OXCT1: variants seen among roughly 807,000 people sequenced by gnomAD.
OXCT1 encodes 3-oxoacid CoA-transferase 1.
In OXCT1, 27 loss-of-function variants were observed where a neutral mutation model predicts 69.6. The observed-to-expected ratio is 0.39, with a 90% CI of 0.29 to 0.54. The LOEUF (loss-of-function observed/expected upper bound fraction) is 0.54, where lower values mean the gene tolerates loss of function less well. Among genes scored for constraint, OXCT1 ranks in the 20% least tolerant of loss-of-function variants. OXCT1 has a pLI of 0.72. For synonymous variants in OXCT1, 202 were observed against 217.8 expected, an observed-to-expected ratio of 0.93 and a Z score of 0.64; for missense variants, 437 against 650.2, an observed-to-expected ratio of 0.67 and a Z score of 3.57.
At chr5:41,817,366 A>G (rs1017188642) in intron 7 of OXCT1, among the ~76,000 whole-genome samples, 2 of 152,208 alleles carry the variant, frequency 1.3e-5, no homozygotes, top group Non-Finnish European at 2.9e-5. Context: ...CACCTTTAAA[A>G]TGAAAAAGTT....
At chr5:41,814,190 C>T (rs1747119738) in intron 7 of OXCT1, among the ~76,000 whole-genome samples, 1 of 151,596 alleles carries the variant, frequency 6.6e-6, no homozygotes, top group South Asian at 2.1e-4. Flanking sequence ...TGATCCAAGG[C>T]CAGAAAGAAT....
chr5:41,862,582 C>T (rs773561873), intron 2 of OXCT1, 60 bp downstream of exon 2: 1 of 880,634 alleles, frequency 1.1e-6, no homozygotes, highest in Non-Finnish European at 1.9e-6. Context: ...TTGTGATTTG[C>T]CTGCTTCATT....
intron 14 of OXCT1, among the ~76,000 whole-genome samples, chr5:41,754,400 A>G (rs1436161669): frequency 6.6e-6 from 1 of 152,078 alleles, no homozygotes; most frequent in East Asian, 1.9e-4. Context: ...TCACATCACT[A>G]TAACTGATGT....
intron 14 of OXCT1, among the ~76,000 whole-genome samples, chr5:41,750,378 C>T (rs1455828693): frequency 6.6e-6 from 1 of 151,878 alleles, no homozygotes; most frequent in Non-Finnish European, 1.5e-5. Context: ...TAGAACTGGC[C>T]TCTGAGGCAT....
chr5:41,802,716 T>C (rs943480086), intron 10 of OXCT1, among the ~76,000 whole-genome samples: 1 of 152,106 alleles, frequency 6.6e-6, no homozygotes, highest in Admixed American at 6.6e-5. Flanking sequence ...ATGAGGTCTC[T>C]CTGAATCAGG....
chr5:41,765,560 G>T (rs1244448937), intron 13 of OXCT1, among the ~76,000 whole-genome samples: 2 of 152,082 alleles, frequency 1.3e-5, no homozygotes, highest in African/African-American at 4.8e-5. Flanking sequence ...TATATGGAAG[G>T]GTGAGAATTC....
intron 3 of OXCT1, among the ~76,000 whole-genome samples, chr5:41,858,564 G>T (rs1397334994): frequency 6.6e-6 from 1 of 151,990 alleles, no homozygotes; most frequent in Non-Finnish European, 1.5e-5. Flanking sequence ...CAAACATTTT[G>T]GTGACTAGAA....
chr5:41,768,583 T>C (rs1579695689), intron 13 of OXCT1, among the ~76,000 whole-genome samples: 1 of 152,140 alleles, frequency 6.6e-6, no homozygotes, highest in Non-Finnish European at 1.5e-5. Flanking sequence ...GAAACCTCCT[T>C]GTCTCCTGCC....
At chr5:41,833,208 T>C (rs1748182597) in intron 7 of OXCT1, among the ~76,000 whole-genome samples, 1 of 152,166 alleles carries the variant, frequency 6.6e-6, no homozygotes, top group East Asian at 1.9e-4. Flanking sequence ...AGCTACCTTT[T>C]GCGAGTTAAT....
At chr5:41,797,641 C>G (rs1013766842) in intron 11 of OXCT1, among the ~76,000 whole-genome samples, 1 of 152,074 alleles carries the variant, frequency 6.6e-6, no homozygotes, top group Non-Finnish European at 1.5e-5. Context: ...CTTTGGCTCA[C>G]GATTTAACAG....
At chr5:41,855,756 CAACA>C (rs1419661870) in intron 3 of OXCT1, among the ~76,000 whole-genome samples, 1 of 152,158 alleles carries the variant, frequency 6.6e-6, no homozygotes, top group African/African-American at 2.4e-5. Flanking sequence ...CCTATAATTA[CAACA>C]GAGGGAGAGA....
Position 41,740,288 on chromosome 5 carries a change from A to G in OXCT1, c.1420-797T>C, listed in dbSNP as rs556482188. Among the ~76,000 whole-genome samples, 31 of 152,322 alleles carry G rather than the reference A, an allele frequency of 2.0e-4. No individual in the cohort carries two copies. The South Asian group carries it at 3.5e-3, about 17-fold the overall frequency. ...AAGGTGCTCTGAAGTGTCTAGGAGTAATTATAAGAGGATAGCTACCCTGGT... is the reference window on the plus strand; with the variant it reads ...AAGGTGCTCTGAAGTGTCTAGGAGTGATTATAAGAGGATAGCTACCCTGGT... On this transcript the variant is annotated intron_variant, in intron 15 of 16. Coordinates refer to ENST00000196371, the MANE Select transcript of OXCT1 (RefSeq NM_000436.4).
chr5:41,849,952 T>G, intron 5 of OXCT1, 78 bp downstream of exon 5: 1 of 1,411,470 alleles, frequency 7.1e-7, no homozygotes, highest in Non-Finnish European at 1.0e-6. Context: ...GATTTTATAC[T>G]TATTTGCCCA....
At chr5:41,800,436 C>T (rs1208600594) in intron 11 of OXCT1, among the ~76,000 whole-genome samples, 1 of 151,812 alleles carries the variant, frequency 6.6e-6, no homozygotes, top group Admixed American at 6.6e-5. Flanking sequence ...AGAAGGCTGA[C>T]CTACTTTGAC....
At chr5:41,757,453 T>G (rs763919732) in intron 14 of OXCT1, among the ~76,000 whole-genome samples, 4 of 152,090 alleles carry the variant, frequency 2.6e-5, no homozygotes, top group Non-Finnish European at 4.4e-5. Flanking sequence ...TCTTAAGTAC[T>G]GATTTCCATG....
chr5:41,856,370 A>G (rs1038140924), intron 3 of OXCT1, among the ~76,000 whole-genome samples: 1 of 152,134 alleles, frequency 6.6e-6, no homozygotes. Flanking sequence ...GGGGAAATTA[A>G]CAAGCACTAG....
At chr5:41,745,417 T>G (rs1176402834) in intron 15 of OXCT1, among the ~76,000 whole-genome samples, 2 of 152,004 alleles carry the variant, frequency 1.3e-5, no homozygotes, top group Non-Finnish European at 2.9e-5. Flanking sequence ...TAGAGGGAAA[T>G]TTATAGCACT....
chr5:41,816,232 A>C lies in OXCT1; in HGVS notation c.733-8794T>G, dbSNP rs1275783230. Among the ~76,000 whole-genome samples, 2 of 152,208 alleles carry C rather than the reference A, an allele frequency of 1.3e-5. 1 individual carries two copies. The highest frequency in any genetic ancestry group is 1.3e-4 in the Admixed American group (2 of 15,284). Reference sequence around the variant, plus strand: ...AGCAGAGTAGAATCCTACATATTTCATTAAGAAAATTAAGATGCCATGTTT... The same window carrying C: ...AGCAGAGTAGAATCCTACATATTTCCTTAAGAAAATTAAGATGCCATGTTT... On this transcript the variant is annotated intron_variant, in intron 7 of 16. Coordinates refer to ENST00000196371, the MANE Select transcript of OXCT1 (RefSeq NM_000436.4).
rs529449627 is a variant in OXCT1 at position 41,790,767 on chromosome 5, A to G, written c.1248+3236T>C. On this transcript the variant is annotated intron_variant, in intron 13 of 16. Coordinates refer to ENST00000196371, the MANE Select transcript of OXCT1 (RefSeq NM_000436.4). ...TTACATAAGTCAACAAATCTTTGGG[A>G]CAAATAAAAATAGATTGCTTACTGA... is the stretch of plus-strand genomic sequence containing the variant. Among the ~76,000 whole-genome samples, 6 of 152,306 alleles carry G rather than the reference A, an allele frequency of 3.9e-5. No homozygotes were observed. The South Asian group carries it at 1.2e-3, about 32-fold the overall frequency.
Sources: allele counts gnomAD v4.1 joint callset (sites outside exome capture counted in the v4.1 genomes callset), GRCh38; gene constraint gnomAD v4.1.1; transcripts MANE v1.5; gene names NCBI Gene and HGNC (gene_info 2026-07-23, HGNC 2026-07-21).